The following SLC39A11 variants were observed in gnomAD, a reference collection of about 807,000 sequenced individuals.
SLC39A11 encodes solute carrier family 39 member 11, also known as zinc transporter ZIP11.
SLC39A11 carries 33 observed loss-of-function variants against 36.1 expected under a neutral mutation model. That is an observed-to-expected ratio of 0.91 (90% confidence interval 0.69 to 1.22). The LOEUF is 1.22. Ranked by LOEUF, SLC39A11 falls within the 50% of genes most tolerant of loss-of-function variation. SLC39A11 has a pLI of 0.00. For missense variants in SLC39A11, 432 were observed against 430.3 expected (o/e 1.00, Z -0.03); for synonymous variants, 166 against 170.3 (o/e 0.97, Z 0.20).
intron 6 of SLC39A11, among the ~76,000 whole-genome samples, chr17:72,756,274 C>A (rs2075361399): frequency 6.6e-6 from 1 of 152,222 alleles, no homozygotes; most frequent in Non-Finnish European, 1.5e-5. Flanking sequence ...GGCAATTCTA[C>A]TTCTGGATAC....
chr17:72,970,347 T>C (rs992474211), intron 4 of SLC39A11, among the ~76,000 whole-genome samples: 1 of 152,176 alleles, frequency 6.6e-6, no homozygotes, highest in Non-Finnish European at 1.5e-5. Flanking sequence ...CAATACTATT[T>C]ATGTGAGCCG....
chr17:72,767,408 A>C (rs879618143), intron 6 of SLC39A11, among the ~76,000 whole-genome samples: 1 of 152,194 alleles, frequency 6.6e-6, no homozygotes, highest in Non-Finnish European at 1.5e-5. Flanking sequence ...AGGGCTGCAC[A>C]GGGTGAGGGC....
intron 4 of SLC39A11, among the ~76,000 whole-genome samples, chr17:73,019,724 G>A (rs2058280372): frequency 6.6e-6 from 1 of 152,034 alleles, no homozygotes; most frequent in Admixed American, 6.6e-5. Context: ...TAAAATAGAT[G>A]GGATAAATAG....
At chr17:72,852,062 G>A (rs575643805) in intron 5 of SLC39A11, among the ~76,000 whole-genome samples, 5 of 151,398 alleles carry the variant, frequency 3.3e-5, no homozygotes, top group Non-Finnish European at 5.9e-5. Context: ...TTAACTGGGC[G>A]TGGTGGCAGG....
chr17:72,650,890 C>T (rs1355324552), intron 7 of SLC39A11, among the ~76,000 whole-genome samples: 1 of 152,194 alleles, frequency 6.6e-6, no homozygotes, highest in Non-Finnish European at 1.5e-5. Context: ...TCCTGTCAGG[C>T]CTGATCCGGC....
At chr17:72,889,911 G>A (rs1198389325) in intron 5 of SLC39A11, among the ~76,000 whole-genome samples, 1 of 152,170 alleles carries the variant, frequency 6.6e-6, no homozygotes, top group Admixed American at 6.6e-5. Flanking sequence ...CTCTGATCCA[G>A]TGAAGGGCTG....
At chr17:72,785,717 T>C (rs1373579476) in intron 6 of SLC39A11, among the ~76,000 whole-genome samples, 4 of 152,164 alleles carry the variant, frequency 2.6e-5, no homozygotes, top group African/African-American at 9.6e-5. Flanking sequence ...GGAGAAACAA[T>C]TACAGAAATG....
chr17:73,043,908 T>C (rs572585563), intron 3 of SLC39A11, among the ~76,000 whole-genome samples: 1 of 152,332 alleles, frequency 6.6e-6, no homozygotes, highest in South Asian at 2.1e-4. Flanking sequence ...GGGAGCTATA[T>C]CTGTACTTAA....
intron 4 of SLC39A11, among the ~76,000 whole-genome samples, chr17:72,964,411 G>C (rs909480826): frequency 6.6e-6 from 1 of 152,208 alleles, no homozygotes; most frequent in African/African-American, 2.4e-5. Context: ...ATGGCCTCCA[G>C]GGAGATGTAA....
intron 5 of SLC39A11, among the ~76,000 whole-genome samples, chr17:72,932,292 T>TTTATTATTATTATTATTA (rs544893367): frequency 0.016 from 2,360 of 144,440 alleles, 74 homozygotes; most frequent in African/African-American, 0.061. Flanking sequence ...GACCTGTTCT[T>TTTATTATTATTATTATTA]TTATTATTAT....
chr17:72,649,188 G>A lies in SLC39A11; in HGVS notation c.752C>T (p.Ser251Phe), dbSNP rs1241825965. Residue 251 changes from serine (S) to phenylalanine (F), a missense_variant, in exon 8 of 10, where the codon TCC becomes TTC. Ser to Phe is a radical substitution (Grantham distance 155, BLOSUM62 -2). Transcript: ENST00000255559. ...VSLPLRGAGF[S>F]TWRAFWYGQL... ...CACTCACCAGAAAGCTCTCCAGGTG[G>A]AGAAGCCTGCCCCTCGCAAGGGAAG... 4 of 1,614,022 alleles carry A rather than the reference G, an allele frequency of 2.5e-6. No individual in the cohort carries two copies. Among genetic ancestry groups the A allele is most frequent in the Middle Eastern group, 1.7e-4 (1 of 6,058 alleles).
chr17:72,836,849 G>A (rs2078571102), intron 6 of SLC39A11, among the ~76,000 whole-genome samples: 1 of 152,138 alleles, frequency 6.6e-6, no homozygotes, highest in African/African-American at 2.4e-5. Flanking sequence ...CATTAACTGA[G>A]CCTGAGTCGC....
chr17:72,655,350 T>A (rs1003417564), intron 7 of SLC39A11, among the ~76,000 whole-genome samples: 1 of 152,236 alleles, frequency 6.6e-6, no homozygotes, highest in Admixed American at 6.5e-5. Flanking sequence ...TCTTCTTCAA[T>A]CACCTGCATC....
At chr17:73,060,619 C>A (rs999956592) in intron 3 of SLC39A11, among the ~76,000 whole-genome samples, 6 of 152,092 alleles carry the variant, frequency 3.9e-5, no homozygotes, top group Admixed American at 3.9e-4. Context: ...CCTGAGAAAG[C>A]CTCAAAGGAT....
intron 5 of SLC39A11, among the ~76,000 whole-genome samples, chr17:72,934,586 A>C (rs2147486462): frequency 6.6e-6 from 1 of 152,256 alleles, no homozygotes; most frequent in African/African-American, 2.4e-5. Flanking sequence ...GAATTGCTTG[A>C]ACCTGGGACG....
intron 7 of SLC39A11, among the ~76,000 whole-genome samples, chr17:72,729,405 T>TTATATA (rs1162603035): frequency 7.9e-4 from 23 of 29,204 alleles, no homozygotes; most frequent in Non-Finnish European, 1.4e-3. Context: ...ACCTGGCTAT[T>TTATATA]TATATATATA....
intron 6 of SLC39A11, among the ~76,000 whole-genome samples, chr17:72,781,727 G>A (rs531486458): frequency 6.6e-6 from 1 of 152,074 alleles, no homozygotes; most frequent in South Asian, 2.1e-4. Context: ...TCCTTATTTT[G>A]TTTCTAATAC....
intron 6 of SLC39A11, among the ~76,000 whole-genome samples, chr17:72,772,292 G>A (rs2075974994): frequency 6.6e-6 from 1 of 152,174 alleles, no homozygotes; most frequent in African/African-American, 2.4e-5. Flanking sequence ...CGTCCAACCT[G>A]TTCAAGGCCT....
intron 7 of SLC39A11, among the ~76,000 whole-genome samples, chr17:72,700,324 A>C (rs1278124236): frequency 6.6e-6 from 1 of 152,248 alleles, no homozygotes; most frequent in Non-Finnish European, 1.5e-5. Context: ...TCATAAAGTC[A>C]TTTCTATCTA....
Sources: gnomAD v4.1 joint callset for allele counts (sites outside exome capture counted in the v4.1 genomes callset) on GRCh38, gnomAD v4.1.1 for gene constraint, MANE v1.5 for transcripts, NCBI Gene and HGNC (gene_info 2026-07-23, HGNC 2026-07-21) for gene names.